The following LRGUK variants were observed in gnomAD, a reference collection of about 807,000 sequenced individuals.
LRGUK encodes the protein leucine rich repeats and guanylate kinase domain containing, also known as leucine-rich repeat and guanylate kinase domain-containing protein.
A neutral mutation model predicts 76.0 loss-of-function variants in LRGUK; 65 were observed. That is an observed-to-expected ratio of 0.85 (90% confidence interval 0.70 to 1.05). The LOEUF is 1.05. Ranked by LOEUF, LRGUK falls within the 50% of genes least tolerant of loss-of-function variation. The probability of loss-of-function intolerance (pLI) is 0.00; values close to 1 mark genes in which losing one functional copy is unlikely to be tolerated. For missense variants in LRGUK, 758 were observed against 732.8 expected, an observed-to-expected ratio of 1.03 and a Z score of -0.40; for synonymous variants, 268 against 265.6, an observed-to-expected ratio of 1.01 and a Z score of -0.09.
At chr7:134,217,363 GT>G (rs890055511) in intron 15 of LRGUK, among the ~76,000 whole-genome samples, 3 of 151,954 alleles carry the variant, frequency 2.0e-5, no homozygotes, top group African/African-American at 7.2e-5. Context: ...TATAGAAATT[GT>G]TTTTGTTTAA....
intron 19 of LRGUK, among the ~76,000 whole-genome samples, chr7:134,259,119 T>C (rs1373262827): frequency 6.6e-6 from 1 of 152,130 alleles, no homozygotes; most frequent in African/African-American, 2.4e-5. Flanking sequence ...TTCTGATGGC[T>C]TTAGGCTTGA....
intron 16 of LRGUK, among the ~76,000 whole-genome samples, chr7:134,224,131 C>T (rs959356718): frequency 1.3e-5 from 2 of 152,204 alleles, no homozygotes; most frequent in African/African-American, 4.8e-5. Flanking sequence ...TGGCTTGATG[C>T]TTCTTGGACT....
downstream of LRGUK, among the ~76,000 whole-genome samples, chr7:134,213,314 G>A (rs532422893): frequency 1.3e-5 from 2 of 152,270 alleles, no homozygotes; most frequent in South Asian, 2.1e-4. Context: ...AGGAGGAGTG[G>A]CAGGGAAGTT....
chr7:134,171,118 A>T (rs75225787), intron 7 of LRGUK, among the ~76,000 whole-genome samples: 21,675 of 149,482 alleles, frequency 0.15, 2,189 homozygotes, highest in East Asian at 0.39. Context: ...CTGGCCAAAT[A>T]TAGGAAGTCA....
exon 4 of LRGUK, chr7:134,143,068 C>T: frequency 1.3e-6 from 2 of 1,564,618 alleles, no homozygotes; most frequent in Non-Finnish European, 1.8e-6. Context: ...GTAGATTTAT[C>T]TTGTGTGAGT....
rs184037075 is a variant in LRGUK at position 134,218,289 on chromosome 7, A to T, written c.1844-3490A>T. 3.5e-4 allele frequency among the ~76,000 whole-genome samples: 53 copies of T among 152,324 alleles called. 1 individual carries two copies. The East Asian group carries it at 9.6e-3, about 28-fold the overall frequency. Reference sequence around the variant, plus strand: ...TAAGTGATTCTGAAGTTGTCTGTGCATCTCAGGACTTTTATTTAAAAATTA... The same window carrying T: ...TAAGTGATTCTGAAGTTGTCTGTGCTTCTCAGGACTTTTATTTAAAAATTA... On this transcript the variant is annotated intron_variant, in intron 15 of 19. Coordinates refer to the LRGUK transcript ENST00000285928.
exon 19 of LRGUK, chr7:134,258,323 G>C (rs1011124303): frequency 3.1e-6 from 5 of 1,614,118 alleles, no homozygotes; most frequent in Non-Finnish European, 4.2e-6. Flanking sequence ...CAAAAGAATT[G>C]CCTTTCCAGC....
chr7:134,235,234 C>T (rs1345455161), intron 16 of LRGUK, among the ~76,000 whole-genome samples: 1 of 152,178 alleles, frequency 6.6e-6, no homozygotes, highest in Non-Finnish European at 1.5e-5. Context: ...TGATCTTGTT[C>T]CTTTGGTGTC....
chr7:134,210,520 TC>T (rs112802001), downstream of LRGUK, among the ~76,000 whole-genome samples: 1,563 of 151,856 alleles, frequency 0.01, 34 homozygotes, highest in African/African-American at 0.037. Flanking sequence ...AAAATAAAAC[TC>T]CCGTCAATGG....
At position 134,162,829 on chromosome 7, in the gene LRGUK, A is replaced by G. The variant is rs75698711; in HGVS notation, c.796-568A>G. Among the ~76,000 whole-genome samples, 8 of 113,714 alleles carry G rather than the reference A, an allele frequency of 7.0e-5. No individual in the cohort carries two copies. In the East Asian group the frequency reaches 2.7e-3, roughly 38 times the overall value. The allele number at this position is 113,714 out of a possible 152,430, so 74.6% of individuals were successfully genotyped here. A position where few individuals can be genotyped will look rare whatever the true frequency, so the allele number is the denominator to read the frequency against. ...GCTACAAAGCCAGACTCCTTCTCAA[A>G]AAAAAAAAAAAAAAAAAAAAAAGAG... is the stretch of plus-strand genomic sequence containing the variant. On this transcript the variant is annotated intron_variant, in intron 6 of 15. Coordinates refer to ENST00000645682, the Ensembl canonical transcript of LRGUK.
At chr7:134,233,003 T>C (rs1450185648) in intron 16 of LRGUK, among the ~76,000 whole-genome samples, 1 of 152,060 alleles carries the variant, frequency 6.6e-6, no homozygotes, top group Non-Finnish European at 1.5e-5. Flanking sequence ...CTTTGCAGGT[T>C]TGAGTAAAAA....
chr7:134,265,793 G>A (rs192993735), downstream of LRGUK, among the ~76,000 whole-genome samples: 3 of 152,222 alleles, frequency 2.0e-5, no homozygotes, highest in African/African-American at 7.2e-5. Flanking sequence ...GCCACTTGGG[G>A]GCCCTGGACC....
At chr7:134,160,973 ATTT>A (rs917749560) in intron 6 of LRGUK, among the ~76,000 whole-genome samples, 2 of 151,952 alleles carry the variant, frequency 1.3e-5, no homozygotes, top group Non-Finnish European at 2.9e-5. Context: ...GTGATTCTAA[ATTT>A]TTTTTCAGTT....
chr7:134,157,592 T>C (rs57390841), intron 5 of LRGUK, among the ~76,000 whole-genome samples: 18,890 of 152,278 alleles, frequency 0.12, 1,434 homozygotes, highest in East Asian at 0.32. Flanking sequence ...GCGCGATCTC[T>C]GCTCATTGCA....
At chr7:134,156,422 G>A (rs1366154634) in intron 5 of LRGUK, among the ~76,000 whole-genome samples, 1 of 152,054 alleles carries the variant, frequency 6.6e-6, no homozygotes, top group Non-Finnish European at 1.5e-5. Flanking sequence ...AAGAAAATAA[G>A]TGTTATATGT....
intron 10 of LRGUK, among the ~76,000 whole-genome samples, chr7:134,181,698 G>T (rs1195654921): frequency 6.6e-6 from 1 of 151,842 alleles, no homozygotes; most frequent in Non-Finnish European, 1.5e-5. Context: ...TGAGGTAATT[G>T]TAGATTCACA....
intron 15 of LRGUK, among the ~76,000 whole-genome samples, chr7:134,208,064 C>G (rs1224069030): frequency 2.0e-5 from 3 of 152,126 alleles, no homozygotes; most frequent in African/African-American, 7.2e-5. Flanking sequence ...AAGAGGAGGC[C>G]TGGGGATGTG....
chr7:134,147,260 C>CAAA (rs1275704899), intron 4 of LRGUK, among the ~76,000 whole-genome samples: 28 of 150,576 alleles, frequency 1.9e-4, no homozygotes, highest in African/African-American at 2.5e-4. Context: ...ACTAAAAATA[C>CAAA]AAACAACAAC....
chr7:134,263,403 C>CTG (rs6150361), intron 19 of LRGUK, among the ~76,000 whole-genome samples: 56,123 of 141,568 alleles, frequency 0.4, 11,781 homozygotes, highest in South Asian at 0.54. Context: ...CTTCACTTCA[C>CTG]TGTGTGTGTG....
Sources: gnomAD v4.1 joint callset for allele counts (sites outside exome capture counted in the v4.1 genomes callset) on GRCh38, gnomAD v4.1.1 for gene constraint, MANE v1.5 for transcripts, NCBI Gene and HGNC (gene_info 2026-07-23, HGNC 2026-07-21) for gene names.